FSTL4: variants seen among roughly 807,000 people sequenced by gnomAD.
The protein encoded by FSTL4 is follistatin like 4.
Under a neutral mutation model 78.2 loss-of-function variants are expected in FSTL4, and 28 were observed. The ratio of observed to expected loss-of-function variants is 0.36; its 90% CI spans 0.27 to 0.49. The LOEUF is 0.49. Among genes scored for constraint, FSTL4 ranks in the 20% least tolerant of loss-of-function variants. The pLI is 0.98. For synonymous variants in FSTL4, 422 were observed against 440.5 expected (o/e 0.96, Z 0.53); for missense variants, 922 against 1,084.9 (o/e 0.85, Z 2.11).
At chr5:133,395,245 T>G (rs1304376629) in intron 4 of FSTL4, among the ~76,000 whole-genome samples, 2 of 152,146 alleles carry the variant, frequency 1.3e-5, no homozygotes, top group Admixed American at 1.3e-4. Context: ...TGCTCACTCT[T>G]TGGGTCCGCA....
At chr5:133,662,479 G>A in the FSTL4 span, among the ~76,000 whole-genome samples, 1 of 152,204 alleles carries the variant, frequency 6.6e-6, no homozygotes, top group Middle Eastern at 3.4e-3. Flanking sequence ...CCCCTATGAA[G>A]GCATACACCG....
intron 6 of FSTL4, among the ~76,000 whole-genome samples, chr5:133,279,571 T>C (rs565814022): frequency 1.3e-5 from 2 of 152,258 alleles, no homozygotes; most frequent in East Asian, 3.9e-4. Context: ...CCTAGGATGG[T>C]CCAAGGGGAA....
intron 2 of FSTL4, among the ~76,000 whole-genome samples, chr5:133,570,210 AAAAAAAC>A (rs1340120757): frequency 1.3e-5 from 2 of 152,054 alleles, no homozygotes; most frequent in Non-Finnish European, 2.9e-5. Context: ...CCGTCTCAAA[AAAAAAAC>A]AAAAAACAAG....
chr5:133,358,222 C>A (rs1754983114), intron 4 of FSTL4, among the ~76,000 whole-genome samples: 1 of 152,172 alleles, frequency 6.6e-6, no homozygotes, highest in African/African-American at 2.4e-5. Context: ...GGGTCTAGAG[C>A]CTTAACTTCA....
rs189884904 is a variant in FSTL4 at position 133,320,721 on chromosome 5, T to C, written c.410-4069A>G. ...TCCTCCTATTCTTCTCAAATTCCAA[T>C]CATTGGCTGGGCGTGGTGGCTCACG... On this transcript the variant is annotated intron_variant, in intron 4 of 15. Transcript: ENST00000265342. Among the ~76,000 whole-genome samples the C allele has an allele frequency of 6.4e-3, 967 of 152,116 alleles. 14 individuals are homozygous for C. Among genetic ancestry groups the C allele is most frequent in the African/African-American group, 0.023 (935 of 41,498 alleles).
intron 1 of FSTL4, among the ~76,000 whole-genome samples, chr5:133,606,617 C>T (rs1760984281): frequency 6.6e-6 from 1 of 152,204 alleles, no homozygotes; most frequent in Admixed American, 6.5e-5. Flanking sequence ...TTTTGTCCTA[C>T]TTATCTACTA....
chr5:133,714,109 T>A, the FSTL4 span, among the ~76,000 whole-genome samples: 1 of 152,250 alleles, frequency 6.6e-6, no homozygotes, highest in East Asian at 1.9e-4. Context: ...GTCTGGGCGC[T>A]GGGTTTGAAT....
chr5:133,805,243 A>G, the FSTL4 span, among the ~76,000 whole-genome samples: 3 of 151,974 alleles, frequency 2.0e-5, no homozygotes, highest in Non-Finnish European at 4.4e-5. Context: ...GCACCAGACA[A>G]TCATGCCCCT....
the FSTL4 span, among the ~76,000 whole-genome samples, chr5:133,690,879 G>T: frequency 6.6e-6 from 1 of 152,196 alleles, no homozygotes; most frequent in African/African-American, 2.4e-5. Flanking sequence ...GGATGACTCA[G>T]AAAGAACAAG....
At chr5:133,254,711 T>C (rs1436523000) in intron 6 of FSTL4, among the ~76,000 whole-genome samples, 2 of 152,148 alleles carry the variant, frequency 1.3e-5, no homozygotes, top group Admixed American at 6.5e-5. Context: ...GCTACTACAG[T>C]CTTGCCTCCA....
At chr5:133,297,725 A>T (rs1015609475) in intron 6 of FSTL4, among the ~76,000 whole-genome samples, 13 of 152,320 alleles carry the variant, frequency 8.5e-5, no homozygotes, top group Non-Finnish European at 1.2e-4. Context: ...GAGTGGGCAT[A>T]TGAAGTCTCA....
intron 3 of FSTL4, among the ~76,000 whole-genome samples, chr5:133,490,134 T>C (rs911782722): frequency 1.0e-5 from 1 of 98,874 alleles, no homozygotes; most frequent in African/African-American, 3.5e-5. Context: ...TGCCTCATTG[T>C]TTTTTTTTTT....
At chr5:133,272,051 G>A (rs1253296606) in intron 6 of FSTL4, among the ~76,000 whole-genome samples, 2 of 152,202 alleles carry the variant, frequency 1.3e-5, no homozygotes, top group African/African-American at 2.4e-5. Context: ...AGCGACTCAT[G>A]GTACGCAACA....
intron 7 of FSTL4, among the ~76,000 whole-genome samples, chr5:133,241,221 C>CT (rs1345457589): frequency 1.3e-5 from 2 of 152,226 alleles, no homozygotes; most frequent in African/African-American, 2.4e-5. Context: ...CTGTATTAAA[C>CT]TTTAACTGTG....
intron 4 of FSTL4, among the ~76,000 whole-genome samples, chr5:133,357,009 G>T (rs1754957127): frequency 6.6e-6 from 1 of 152,340 alleles, no homozygotes. Flanking sequence ...CCCAACTAAA[G>T]GTTGCAGTAA....
the FSTL4 span, among the ~76,000 whole-genome samples, chr5:133,804,536 T>C: frequency 6.6e-6 from 1 of 152,168 alleles, no homozygotes; most frequent in African/African-American, 2.4e-5. Flanking sequence ...AAGGGCAGAA[T>C]AGAACAAGCC....
rs1168576979 is a variant in FSTL4, at chr5:133,198,801, C to A, written c.*294G>T. On this transcript the variant is annotated 3_prime_UTR_variant, in exon 16 of 16. Coordinates refer to ENST00000265342, the MANE Select transcript of FSTL4 (RefSeq NM_015082.2). Reference sequence around the variant, plus strand: ...GCTTGGAGAGCAGGATCCCTTGGTTCCATGATGTCCCCAGGTCACTCGGTG... The same window carrying A: ...GCTTGGAGAGCAGGATCCCTTGGTTACATGATGTCCCCAGGTCACTCGGTG... 1.5e-5 allele frequency: 4 copies of A among 266,344 alleles called. No individual in the cohort carries two copies. The East Asian group carries it at 2.7e-4, about 18-fold the overall frequency. The allele number at this position is 266,344 out of a possible 1,614,324, so 16.5% of individuals were successfully genotyped here. A position where few individuals can be genotyped will look rare whatever the true frequency, so the allele number is the denominator to read the frequency against.
chr5:133,617,656 T>C, the FSTL4 span, among the ~76,000 whole-genome samples: 1 of 152,216 alleles, frequency 6.6e-6, no homozygotes, highest in Non-Finnish European at 1.5e-5. Flanking sequence ...TCCCCTTCCC[T>C]GCACCTGCTT....
chr5:133,822,416 G>A, the FSTL4 span, among the ~76,000 whole-genome samples: 1 of 152,234 alleles, frequency 6.6e-6, no homozygotes, highest in South Asian at 2.1e-4. Flanking sequence ...ATTATTTGAA[G>A]AGCATATTCT....
Sources: gnomAD v4.1 joint callset for allele counts (sites outside exome capture counted in the v4.1 genomes callset) on GRCh38, gnomAD v4.1.1 for gene constraint, MANE v1.5 for transcripts, NCBI Gene and HGNC (gene_info 2026-07-23, HGNC 2026-07-21) for gene names.